Variants in TLE4 observed in about 807,000 individuals in gnomAD.
TLE4 encodes transducin-like enhancer protein 4.
Under a neutral mutation model 92.8 loss-of-function variants are expected in TLE4, and 8 were observed. That is an observed-to-expected ratio of 0.09 (90% confidence interval 0.05 to 0.16). The LOEUF is 0.16. Ranked by LOEUF, TLE4 falls within the 10% of genes least tolerant of loss-of-function variation. The pLI is 1.00. For missense variants in TLE4, 675 were observed against 997.6 expected, an observed-to-expected ratio of 0.68 and a Z score of 4.36; for synonymous variants, 371 against 374.1, an observed-to-expected ratio of 0.99 and a Z score of 0.10.
At chr9:79,681,730 T>G (rs1415246624) in intron 8 of TLE4, among the ~76,000 whole-genome samples, 9 of 150,626 alleles carry the variant, frequency 6.0e-5, no homozygotes, top group Admixed American at 5.3e-4. Context: ...CTTAACTACT[T>G]CCTGGAGGCA....
chr9:79,722,653 C>G (rs778327143), intron 18 of TLE4, 52 bp downstream of exon 18: 2 of 1,593,140 alleles, frequency 1.3e-6, no homozygotes, highest in Admixed American at 1.7e-5. Flanking sequence ...GCTCCTTCCC[C>G]CTTCCTGTGT....
Position 79,725,989 on chromosome 9 carries a change from T to G in TLE4, c.*845T>G, listed in dbSNP as rs2076347066. The G allele has an allele frequency of 6.6e-6, 1 of 152,634 alleles. No homozygotes were observed. The highest frequency in any genetic ancestry group is 1.5e-5 in the Non-Finnish European group (1 of 68,038). The allele number at this position is 152,634 out of a possible 1,614,324, so 9.5% of individuals were successfully genotyped here. ...TGCCACATTTCTTTGCAAAAGGAGA[T>G]ATATATATCTTTAGTCAGTTTTGTT... On this transcript the variant is annotated 3_prime_UTR_variant, in exon 20 of 20. Transcript: ENST00000376552.
At chr9:79,580,981 G>GT (rs1242899764) in intron 4 of TLE4, among the ~76,000 whole-genome samples, 1 of 152,152 alleles carries the variant, frequency 6.6e-6, no homozygotes, top group African/African-American at 2.4e-5. Flanking sequence ...GACTATGTGT[G>GT]TGGGGGTGGG....
intron 14 of TLE4, among the ~76,000 whole-genome samples, chr9:79,710,468 C>T (rs966879419): frequency 2.6e-5 from 4 of 152,146 alleles, no homozygotes; most frequent in Admixed American, 2.6e-4. Context: ...GCATTTTTCT[C>T]ATCACTCTTT....
chr9:79,572,871 G>T, intron 1 of TLE4, 36 bp downstream of exon 1: 1 of 1,580,902 alleles, frequency 6.3e-7, no homozygotes, highest in Non-Finnish European at 8.6e-7. Flanking sequence ...CTCGCCGGGT[G>T]CTGGGGGATT....
intron 19 of TLE4, among the ~76,000 whole-genome samples, chr9:79,724,256 G>C (rs1046223343): frequency 6.6e-6 from 1 of 151,706 alleles, no homozygotes; most frequent in Non-Finnish European, 1.5e-5. Flanking sequence ...TGGTAGACAG[G>C]TAAAATGTCT....
intron 10 of TLE4, 128 bp from the exon 11 acceptor site, chr9:79,706,619 A>G (rs1049624381): frequency 8.3e-7 from 1 of 1,201,674 alleles, no homozygotes; most frequent in Non-Finnish European, 1.1e-6. Flanking sequence ...GAGTATTGTT[A>G]TCTGTTCTAG....
chr9:79,703,481 C>T (rs975537135), intron 8 of TLE4, among the ~76,000 whole-genome samples: 1 of 152,156 alleles, frequency 6.6e-6, no homozygotes, highest in African/African-American at 2.4e-5. Flanking sequence ...GCACTTTTTT[C>T]ACTTCTTCAT....
rs752802269 is a variant in TLE4 at position 79,721,616 on chromosome 9, A to G, written c.1839-125A>G. On this transcript the variant is annotated intron_variant, in intron 16 of 19. Coordinates refer to ENST00000376552, the MANE Select transcript of TLE4 (RefSeq NM_007005.6). ...TTATTACTTTGAATAATTAGAAACC[A>G]TAATAAACCAAAATGAAATCTACAA... The G allele has an allele frequency of 5.6e-6, 8 of 1,429,168 alleles. No individual in the cohort carries two copies. The Admixed American group carries it at 7.0e-5, about 12-fold the overall frequency. 88.5% of individuals were successfully genotyped at this position (1,429,168 alleles called of 1,614,324 possible). A position where few individuals can be genotyped will look rare whatever the true frequency, so the allele number is the denominator to read the frequency against.
intron 6 of TLE4, among the ~76,000 whole-genome samples, chr9:79,642,725 C>A (rs2057404605): frequency 6.6e-6 from 1 of 151,976 alleles, no homozygotes; most frequent in Admixed American, 6.6e-5. Context: ...TTTTCTCCTT[C>A]TTTTCTTGCC....
chr9:79,598,097 A>AACTTACCCAG (rs888172511), intron 4 of TLE4, among the ~76,000 whole-genome samples: 1 of 150,300 alleles, frequency 6.7e-6, no homozygotes, highest in African/African-American at 2.5e-5. Context: ...AAAAAAAAAA[A>AACTTACCCAG]ACTTACCCAG....
At chr9:79,584,657 A>G (rs1450723345) in intron 4 of TLE4, among the ~76,000 whole-genome samples, 1 of 152,198 alleles carries the variant, frequency 6.6e-6, no homozygotes, top group Non-Finnish European at 1.5e-5. Context: ...CTAGCCAAGA[A>G]TATGTGTGAT....
At chr9:79,697,437 TA>T (rs1401551073) in intron 8 of TLE4, among the ~76,000 whole-genome samples, 1 of 152,160 alleles carries the variant, frequency 6.6e-6, no homozygotes, top group Non-Finnish European at 1.5e-5. Context: ...CTCATTCATC[TA>T]CTTTCTTCCT....
chr9:79,714,653 A>G (rs932189519), intron 14 of TLE4, among the ~76,000 whole-genome samples: 9 of 152,252 alleles, frequency 5.9e-5, no homozygotes, highest in African/African-American at 2.2e-4. Flanking sequence ...ACTTTCCATT[A>G]GAATGTGACC....
chr9:79,722,328 A>T, intron 17 of TLE4, 123 bp from the exon 18 acceptor site: 1 of 1,239,724 alleles, frequency 8.1e-7, no homozygotes, highest in Non-Finnish European at 1.1e-6. Context: ...TCTCCCCTGT[A>T]CAATTCAAAT....
intron 4 of TLE4, among the ~76,000 whole-genome samples, chr9:79,581,154 G>A (rs2039551915): frequency 1.3e-5 from 2 of 152,126 alleles, no homozygotes; most frequent in Admixed American, 1.3e-4. Context: ...TAAAATAGGA[G>A]GCCAACTTCA....
At chr9:79,724,881 A>AAAAG (rs71364489) in intron 19 of TLE4, among the ~76,000 whole-genome samples, 156 bp from the exon 20 acceptor site, 6 of 147,942 alleles carry the variant, frequency 4.1e-5, no homozygotes, top group East Asian at 2.0e-4. Context: ...AAAAAAAAAA[A>AAAAG]GCAGCAGTAC....
At chr9:79,706,355 T>C (rs2071562879) in intron 10 of TLE4, among the ~76,000 whole-genome samples, 1 of 152,066 alleles carries the variant, frequency 6.6e-6, no homozygotes, top group South Asian at 2.1e-4. Flanking sequence ...TTTATTTACA[T>C]AAAAATTATG....
intron 6 of TLE4, among the ~76,000 whole-genome samples, chr9:79,630,372 G>C (rs1424129078): frequency 2.0e-5 from 3 of 152,120 alleles, no homozygotes; most frequent in Non-Finnish European, 2.9e-5. Flanking sequence ...CACAGGTCAT[G>C]TTCAGTTTAA....
Sources: allele counts gnomAD v4.1 joint callset (sites outside exome capture counted in the v4.1 genomes callset), GRCh38; gene constraint gnomAD v4.1.1; transcripts MANE v1.5; gene names NCBI Gene and HGNC (gene_info 2026-07-23, HGNC 2026-07-21).